The following ABCA12 variants were observed in gnomAD, a reference collection of about 807,000 sequenced individuals.
ABCA12 encodes the protein ATP binding cassette subfamily A member 12, also known as glucosylceramide transporter ABCA12.
ABCA12 carries 156 observed loss-of-function variants against 293.5 expected under a neutral mutation model. That is an observed-to-expected ratio of 0.53 (90% CI 0.47 to 0.61). The LOEUF is 0.61. Ranked by LOEUF, ABCA12 falls within the 20% of genes least tolerant of loss-of-function variation. ABCA12 has a pLI of 0.00. For synonymous variants in ABCA12, 1,063 were observed against 1,108.0 expected, an observed-to-expected ratio of 0.96 and a Z score of 0.81; for missense variants, 2,797 against 3,090.2, an observed-to-expected ratio of 0.91 and a Z score of 2.25.
At chr2:215,065,726 A>AT (rs144552311) in intron 2 of ABCA12, among the ~76,000 whole-genome samples, 3,925 of 152,170 alleles carry the variant, frequency 0.026, 66 homozygotes, top group South Asian at 0.054. Context: ...GAGACCTTGG[A>AT]TTTTAGCTCG....
Position 214,951,014 on chromosome 2 carries a change from A to G in ABCA12, c.6717T>C (p.Ala2239=). 1 of 1,614,208 alleles carries G rather than the reference A, an allele frequency of 6.2e-7. No homozygotes were observed. The highest frequency in any genetic ancestry group is 8.5e-7 in the Non-Finnish European group (1 of 1,180,034). Residue 2239 remains alanine, a synonymous_variant, in exon 45 of 53, where the codon GCT becomes GCC. Coordinates refer to ENST00000272895, the MANE Select transcript of ABCA12 (RefSeq NM_173076.3). The stretch of plus-strand genomic sequence containing the variant: ...CACCACTCTCAACTCTTAATCTCTC[A>G]GCCCGCACATCTTCATCCTCATCTA... ...ETIDEDEDVR[A]ERLRVESGAA...
At chr2:215,065,006 G>A (rs193061756) in intron 2 of ABCA12, among the ~76,000 whole-genome samples, 1 of 151,720 alleles carries the variant, frequency 6.6e-6, no homozygotes, top group African/African-American at 2.4e-5. Flanking sequence ...ATAGTGAATG[G>A]TATGAATGAA....
Position 215,105,424 on chromosome 2 carries a change from C to G in ABCA12, c.163+6173G>C, listed in dbSNP as rs57967455. 3.1e-3 allele frequency among the ~76,000 whole-genome samples: 470 copies of G among 152,186 alleles called. 1 individual carries two copies. Among genetic ancestry groups the G allele is most frequent in the African/African-American group, 0.01 (433 of 41,520 alleles). On this transcript the variant is annotated intron_variant, in intron 2 of 52. Transcript: ENST00000272895. Reference sequence around the variant, plus strand: ...CTCCTCCTTAAGCACAGGCATTCTACTGCAGAACAGAATGAACACAAAGTT... The same window carrying G: ...CTCCTCCTTAAGCACAGGCATTCTAGTGCAGAACAGAATGAACACAAAGTT...
chr2:215,038,687 T>C (rs1479975904), intron 7 of ABCA12, among the ~76,000 whole-genome samples: 1 of 152,254 alleles, frequency 6.6e-6, no homozygotes, highest in Non-Finnish European at 1.5e-5. Flanking sequence ...GCGTAAATCT[T>C]GGTCGGCCTT....
At chr2:214,967,032 ATTT>A in intron 38 of ABCA12, 79 bp from the exon 39 acceptor site, 1 of 1,085,130 alleles carries the variant, frequency 9.2e-7, no homozygotes, top group Non-Finnish European at 1.4e-6. Flanking sequence ...CAGCTATCTT[ATTT>A]ATATTTAAAA....
chr2:215,070,256 C>A (rs16853315), intron 2 of ABCA12, among the ~76,000 whole-genome samples: 7,720 of 152,120 alleles, frequency 0.051, 660 homozygotes, highest in African/African-American at 0.17. Flanking sequence ...GATTTATTAT[C>A]CACAAAGTGA....
intron 2 of ABCA12, among the ~76,000 whole-genome samples, chr2:215,083,378 A>G (rs1318783336): frequency 3.3e-5 from 5 of 152,316 alleles, no homozygotes; most frequent in Admixed American, 6.5e-5. Context: ...CATCACAGTG[A>G]CAGGTCAAGA....
chr2:215,063,943 T>C lies in ABCA12; in HGVS notation c.317+123A>G, dbSNP rs1701586814. 2.5e-6 allele frequency: 3 copies of C among 1,176,878 alleles called. No individual in the cohort carries two copies. In the South Asian group the frequency reaches 3.7e-5, roughly 15 times the overall value. 72.9% of individuals were successfully genotyped at this position (1,176,878 alleles called of 1,614,324 possible). On this transcript the variant is annotated intron_variant, in intron 3 of 52. Transcript: ENST00000272895. ...ACTTTGTTATTTCATATTTAGATCA[T>C]CACATTTATAGACAGAGAAAACAAA...
intron 2 of ABCA12, among the ~76,000 whole-genome samples, chr2:215,066,649 A>T (rs1347163101): frequency 6.6e-6 from 1 of 152,134 alleles, no homozygotes; most frequent in African/African-American, 2.4e-5. Context: ...ATAAACTCCC[A>T]TGGTGTTGAA....
intron 7 of ABCA12, among the ~76,000 whole-genome samples, chr2:215,039,477 C>A (rs1045771397): frequency 3.3e-5 from 5 of 152,042 alleles, no homozygotes; most frequent in African/African-American, 1.2e-4. Context: ...AAGTAAAGGC[C>A]GGGCGCAGTG....
chr2:215,031,295 C>T lies in ABCA12; in HGVS notation c.1061+526G>A, dbSNP rs572364669. Among the ~76,000 whole-genome samples the T allele has an allele frequency of 5.3e-5, 8 of 152,224 alleles. No homozygotes were observed. The East Asian group carries it at 1.3e-3, about 26-fold the overall frequency. On this transcript the variant is annotated intron_variant, in intron 9 of 52. Coordinates refer to ENST00000272895, the MANE Select transcript of ABCA12 (RefSeq NM_173076.3). Reference sequence around the variant, plus strand: ...TTTAAGCATAAAAAATATTTTTATTCTCTGGAAACCCAAAAAATAGTAACA... The same window carrying T: ...TTTAAGCATAAAAAATATTTTTATTTTCTGGAAACCCAAAAAATAGTAACA...
At chr2:215,040,489 C>A (rs1701076349) in intron 7 of ABCA12, among the ~76,000 whole-genome samples, 1 of 151,982 alleles carries the variant, frequency 6.6e-6, no homozygotes, top group African/African-American at 2.4e-5. Context: ...ATGAAGAAAT[C>A]CAAACCTTCC....
chr2:215,007,498 G>A (rs1262332377), intron 19 of ABCA12, among the ~76,000 whole-genome samples: 1 of 152,174 alleles, frequency 6.6e-6, no homozygotes, highest in African/African-American at 2.4e-5. Flanking sequence ...CTTGTAAGAT[G>A]TCTTCTCTGA....
At chr2:215,070,123 C>G (rs1701708323) in intron 2 of ABCA12, among the ~76,000 whole-genome samples, 1 of 151,174 alleles carries the variant, frequency 6.6e-6, no homozygotes, top group Admixed American at 6.6e-5. Context: ...ATTCACATGC[C>G]TTGTAAAATA....
intron 9 of ABCA12, among the ~76,000 whole-genome samples, chr2:215,031,370 G>A (rs1026643049): frequency 3.3e-5 from 5 of 152,166 alleles, no homozygotes; most frequent in African/African-American, 4.8e-5. Context: ...CCCGAAATTC[G>A]TATGTTGAAC....
At chr2:214,934,306 A>T (rs1175754836) in intron 51 of ABCA12, 91 bp from the exon 52 acceptor site, 1 of 1,399,696 alleles carries the variant, frequency 7.1e-7, no homozygotes, top group Non-Finnish European at 1.0e-6. Flanking sequence ...CAGGAAAATA[A>T]CTGAAGTTCA....
chr2:215,044,345 C>T (rs1407441447), intron 7 of ABCA12: 1 of 152,122 alleles, frequency 6.6e-6, no homozygotes, highest in African/African-American at 2.4e-5. Context: ...TAACATTTAA[C>T]CCATTCCAGT....
chr2:214,956,330 C>T (rs1301370899), intron 42 of ABCA12, among the ~76,000 whole-genome samples: 1 of 152,020 alleles, frequency 6.6e-6, no homozygotes, highest in African/African-American at 2.4e-5. Flanking sequence ...ATAGTCAATA[C>T]ATAAATTTAT....
At chr2:215,028,421 T>C (rs1700797949) in intron 9 of ABCA12, among the ~76,000 whole-genome samples, 1 of 152,218 alleles carries the variant, frequency 6.6e-6, no homozygotes, top group African/African-American at 2.4e-5. Flanking sequence ...TTATATTTTT[T>C]TAAAAAGTAT....
Sources: allele counts gnomAD v4.1 joint callset (sites outside exome capture counted in the v4.1 genomes callset), GRCh38; gene constraint gnomAD v4.1.1; transcripts MANE v1.5; gene names NCBI Gene and HGNC (gene_info 2026-07-23, HGNC 2026-07-21).